TEX11: variants seen among roughly 807,000 people sequenced by gnomAD.
The protein encoded by TEX11 is testis-expressed protein 11.
A neutral mutation model predicts 84.4 loss-of-function variants in TEX11; 7 were observed. The ratio of observed to expected loss-of-function variants is 0.08; its 90% confidence interval spans 0.05 to 0.16. The LOEUF (loss-of-function observed/expected upper bound fraction) is 0.16, where lower values mean the gene tolerates loss of function less well. Among genes scored for constraint, TEX11 ranks in the 10% least tolerant of loss-of-function variants. The probability of loss-of-function intolerance (pLI) is 1.00; values close to 1 mark genes in which losing one functional copy is unlikely to be tolerated. For missense variants in TEX11, 551 were observed against 660.5 expected, an observed-to-expected ratio of 0.83 and a Z score of 1.82; for synonymous variants, 264 against 222.8, an observed-to-expected ratio of 1.18 and a Z score of -1.64.
chrX:70,899,353 T>C (rs1292591807), intron 2 of TEX11, among the ~76,000 whole-genome samples: 1 of 111,674 alleles, frequency 9.0e-6, no homozygotes, highest in East Asian at 2.8e-4. Context: ...TGTATACTGA[T>C]TATATGCTGG....
rs143212739 is a variant in TEX11 at position 70,745,020 on chromosome X, T to C, written c.693-801A>G. Among the ~76,000 whole-genome samples the C allele has an allele frequency of 6.3e-3, 698 of 110,463 alleles. 5 individuals carry two copies. Among genetic ancestry groups the C allele is most frequent in the Non-Finnish European group, 0.01 (554 of 52,976 alleles). On this transcript the variant is annotated intron_variant, in intron 9 of 29. Coordinates refer to ENST00000374333, the MANE Select transcript of TEX11 (RefSeq NM_031276.3). ...GACCCCGAATAAGTATAAATATATA[T>C]TTAAAATAAAACAAATACAGTTGTT...
chrX:70,851,666 T>TACACACAC (rs55903537), intron 7 of TEX11, among the ~76,000 whole-genome samples: 4,133 of 91,943 alleles, frequency 0.045, 183 homozygotes, highest in African/African-American at 0.12. Flanking sequence ...ATTAAAAACA[T>TACACACAC]ACACACACAC....
chrX:70,889,559 C>T (rs2091726910), intron 2 of TEX11, among the ~76,000 whole-genome samples: 1 of 110,809 alleles, frequency 9.0e-6, no homozygotes, highest in Non-Finnish European at 1.9e-5. Context: ...AACAATGAAC[C>T]AATGAAAAAT....
chrX:70,517,120 T>A, the TEX11 span, among the ~76,000 whole-genome samples: 1 of 111,560 alleles, frequency 9.0e-6, no homozygotes, highest in African/African-American at 3.3e-5. Flanking sequence ...TATTTCTTTC[T>A]CTTCCCTGAT....
intron 9 of TEX11, among the ~76,000 whole-genome samples, chrX:70,749,171 C>T (rs1405762921): frequency 1.8e-5 from 2 of 108,251 alleles, no homozygotes; most frequent in Non-Finnish European, 1.9e-5. Flanking sequence ...GTATTTTATT[C>T]TCTTTGAAGC....
chrX:70,641,723 G>A (rs1471398532), intron 17 of TEX11, among the ~76,000 whole-genome samples: 1 of 110,002 alleles, frequency 9.1e-6, no homozygotes, highest in Admixed American at 9.7e-5. Context: ...AAACCAACGA[G>A]AACAAAGACA....
chrX:70,583,031 TTTGA>T (rs2088800997), intron 25 of TEX11, among the ~76,000 whole-genome samples: 1 of 111,151 alleles, frequency 9.0e-6, no homozygotes. Context: ...TTTTTAAATG[TTTGA>T]TTGTCACTTT....
At chrX:70,831,149 T>C (rs1162328921) in intron 8 of TEX11, among the ~76,000 whole-genome samples, 2 of 111,782 alleles carry the variant, frequency 1.8e-5, no homozygotes, top group African/African-American at 6.5e-5. Flanking sequence ...GGAAATCCTG[T>C]CATTTGTGAT....
Position 70,738,571 on chromosome X carries a change from C to T in TEX11, c.843+2130G>A, listed in dbSNP as rs767694490. ...CCTCAAGGATCTAGAACCAGAAATACCATTTGTCCCAGCAATCCCATTACT... is the reference window on the plus strand; with the variant it reads ...CCTCAAGGATCTAGAACCAGAAATATCATTTGTCCCAGCAATCCCATTACT... On this transcript the variant is annotated intron_variant, in intron 11 of 29. Coordinates refer to ENST00000374333, the MANE Select transcript of TEX11 (RefSeq NM_031276.3). Among the ~76,000 whole-genome samples the T allele has an allele frequency of 8.5e-4, 95 of 111,869 alleles. 2 individuals are homozygous for T. The highest frequency in any genetic ancestry group is 2.5e-3 in the African/African-American group (76 of 30,870).
the TEX11 span, among the ~76,000 whole-genome samples, chrX:70,516,742 C>T: frequency 9.1e-6 from 1 of 110,345 alleles, no homozygotes. Context: ...ATTGATTCTT[C>T]CTACCCATGA....
At chrX:70,802,512 G>A (rs777871622) in intron 9 of TEX11, among the ~76,000 whole-genome samples, 2 of 111,148 alleles carry the variant, frequency 1.8e-5, no homozygotes, top group African/African-American at 6.5e-5. Context: ...ATTTTAATTT[G>A]TCAATTATAC....
chrX:70,813,631 T>C (rs780025892), intron 8 of TEX11, among the ~76,000 whole-genome samples: 11 of 111,237 alleles, frequency 9.9e-5, no homozygotes, highest in Admixed American at 4.8e-4. Context: ...ATAAAGGGTA[T>C]CCAATTAGGA....
intron 13 of TEX11, among the ~76,000 whole-genome samples, chrX:70,715,723 G>T (rs2090492406): frequency 9.0e-6 from 1 of 111,420 alleles, no homozygotes; most frequent in Non-Finnish European, 1.9e-5. Context: ...TATCTTCTTT[G>T]TCTTCGGTTT....
intron 15 of TEX11, among the ~76,000 whole-genome samples, chrX:70,677,913 A>C (rs1247177165): frequency 9.9e-6 from 1 of 101,288 alleles, no homozygotes; most frequent in African/African-American, 3.7e-5. Context: ...TCCCGGGTTC[A>C]AGCGATTCCC....
At chrX:70,750,827 C>T (rs1426569184) in intron 9 of TEX11, among the ~76,000 whole-genome samples, 109 of 95,591 alleles carry the variant, frequency 1.1e-3, no homozygotes, top group African/African-American at 3.8e-3. Context: ...TGCTAGATGA[C>T]GAGTTAGTGG....
chrX:70,695,971 G>A (rs1178358057), intron 13 of TEX11, among the ~76,000 whole-genome samples: 1 of 111,840 alleles, frequency 8.9e-6, no homozygotes, highest in East Asian at 2.8e-4. Flanking sequence ...TTGTTATAAC[G>A]CAAATACAGA....
intron 2 of TEX11, among the ~76,000 whole-genome samples, chrX:70,897,013 T>G (rs1446336994): frequency 9.5e-6 from 1 of 105,783 alleles, no homozygotes; most frequent in Non-Finnish European, 1.9e-5. Flanking sequence ...GCACCTGCAG[T>G]CCCAGCTACT....
Position 70,842,064 on chromosome X carries a change from T to C in TEX11, c.526-8471A>G, listed in dbSNP as rs1467012183. Among the ~76,000 whole-genome samples, 5 of 111,122 alleles carry C rather than the reference T, an allele frequency of 4.5e-5. No homozygotes were observed. The East Asian group carries it at 8.4e-4, about 19-fold the overall frequency. On this transcript the variant is annotated intron_variant, in intron 7 of 29. Coordinates refer to ENST00000374333, the MANE Select transcript of TEX11 (RefSeq NM_031276.3). ...TTCTACCAGAGGTACAAGGAGGAGC[T>C]GGTACCATTCCTTCTGAAACTATTC...
rs749836408 is a variant in TEX11, at chrX:70,740,809, A to G, written c.748-13T>C. Reference sequence around the variant, plus strand: ...GTAGAACTTTAGCCTGTAAGAAAAAAAAAAAGAAAAAAAGCACATATCTGA... The same window carrying G: ...GTAGAACTTTAGCCTGTAAGAAAAAGAAAAAGAAAAAAAGCACATATCTGA... On this transcript the variant is annotated splice_polypyrimidine_tract_variant and intron_variant, in intron 10 of 29. Transcript: ENST00000374333. 2.7e-6 allele frequency: 3 copies of G among 1,097,107 alleles called. No homozygotes were observed. The highest frequency in any genetic ancestry group is 5.1e-5 in the Admixed American group (2 of 38,842). The allele number at this position is 1,097,107 out of a possible 1,213,427, so 90.4% of individuals were successfully genotyped here.
Sources: gnomAD v4.1 joint callset for allele counts (sites outside exome capture counted in the v4.1 genomes callset) on GRCh38, gnomAD v4.1.1 for gene constraint, MANE v1.5 for transcripts, NCBI Gene and HGNC (gene_info 2026-07-23, HGNC 2026-07-21) for gene names.